Variants in ABR observed in about 807,000 individuals in gnomAD.
ABR encodes active breakpoint cluster region-related protein.
In ABR, 35 loss-of-function variants were observed where a neutral mutation model predicts 107.2. The observed-to-expected ratio is 0.33, with a 90% CI of 0.25 to 0.43. The LOEUF is 0.43. Among genes scored for constraint, ABR ranks in the 20% least tolerant of loss-of-function variants. The probability of loss-of-function intolerance (pLI) is 1.00; values close to 1 mark genes in which losing one functional copy is unlikely to be tolerated. For synonymous variants in ABR, 498 were observed against 462.0 expected (o/e 1.08, Z -1.00); for missense variants, 815 against 1,115.2 (o/e 0.73, Z 3.83).
At chr17:1,065,620 C>G (rs1019836408) in intron 10 of ABR, among the ~76,000 whole-genome samples, 5 of 150,828 alleles carry the variant, frequency 3.3e-5, no homozygotes, top group Admixed American at 6.6e-5. Flanking sequence ...AGCACTTTGG[C>G]TGCATCCATG....
At chr17:1,129,234 G>A (rs979362540) in intron 1 of ABR, among the ~76,000 whole-genome samples, 1 of 152,148 alleles carries the variant, frequency 6.6e-6, no homozygotes, top group Non-Finnish European at 1.5e-5. Context: ...AATGCACGAG[G>A]GGCTTAAAAC....
At chr17:1,191,579 C>T (rs190476750), upstream of ABR, among the ~76,000 whole-genome samples, 1,874 of 152,096 alleles carry the variant, frequency 0.012, 13 homozygotes, top group Non-Finnish European at 0.018. Context: ...TGGTCTCGAA[C>T]TCCTGACCTC....
chr17:1,108,599 C>T (rs1207399766), intron 2 of ABR, among the ~76,000 whole-genome samples: 2 of 152,296 alleles, frequency 1.3e-5, no homozygotes, highest in African/African-American at 2.4e-5. Context: ...GGTGGCCCCT[C>T]TCTTGCGGTT....
intron 1 of ABR, among the ~76,000 whole-genome samples, chr17:1,170,706 G>C (rs949464796): frequency 3.9e-5 from 6 of 152,068 alleles, no homozygotes; most frequent in African/African-American, 9.7e-5. Flanking sequence ...AAAGTGCTGG[G>C]ATTACAGGCG....
At chr17:1,036,668 C>T (rs756342765) in intron 16 of ABR, among the ~76,000 whole-genome samples, 3 of 151,890 alleles carry the variant, frequency 2.0e-5, no homozygotes, top group South Asian at 2.1e-4. Flanking sequence ...GCGAGTTGGG[C>T]GGGAGGATGG....
chr17:1,185,992 C>A (rs899880021), intron 1 of ABR, among the ~76,000 whole-genome samples: 6 of 152,088 alleles, frequency 3.9e-5, no homozygotes, highest in Non-Finnish European at 8.8e-5. Flanking sequence ...CCCGCCACCA[C>A]ACCTGGCCAA....
At chr17:1,009,868 G>T in intron 20 of ABR, 84 bp from the exon 21 acceptor site, 2 of 1,213,346 alleles carry the variant, frequency 1.6e-6, no homozygotes, top group South Asian at 1.2e-5. Context: ...GTGGGCCCCT[G>T]CGGGAGAGAG....
At chr17:1,137,981 ACCT>A (rs2040148864) in intron 1 of ABR, among the ~76,000 whole-genome samples, 1 of 151,388 alleles carries the variant, frequency 6.6e-6, no homozygotes, top group Non-Finnish European at 1.5e-5. Context: ...GCTCACTGCA[ACCT>A]CCGCCTCCTG....
intron 21 of ABR, among the ~76,000 whole-genome samples, chr17:1,008,650 G>A (rs974991989): frequency 2.0e-5 from 3 of 152,218 alleles, no homozygotes; most frequent in Admixed American, 1.3e-4. Context: ...CCCCGGGCGC[G>A]TCCAGGTCTC....
chr17:1,173,060 A>ACC (rs1178430839), intron 1 of ABR, among the ~76,000 whole-genome samples: 4 of 78,228 alleles, frequency 5.1e-5, no homozygotes, highest in African/African-American at 1.7e-4. Flanking sequence ...ACCTCAGTCC[A>ACC]CCCAACACAT....
At chr17:1,229,522 G>A (rs963547657) in exon 1 of ABR, among the ~76,000 whole-genome samples, 10 of 152,084 alleles carry the variant, frequency 6.6e-5, no homozygotes, top group East Asian at 1.9e-4. Context: ...AGTCTGCGGC[G>A]CTCCAGCTCC....
At chr17:1,130,287 C>G (rs991097993) in intron 1 of ABR, among the ~76,000 whole-genome samples, 2 of 152,106 alleles carry the variant, frequency 1.3e-5, no homozygotes, top group African/African-American at 4.8e-5. Context: ...GCAGCCTTTT[C>G]CCAAAGACCA....
chr17:1,117,990 T>C (rs1333817259), intron 2 of ABR, among the ~76,000 whole-genome samples: 924 of 53,658 alleles, frequency 0.017, 3 homozygotes, highest in Admixed American at 0.025. Flanking sequence ...CCTGAGTTCC[T>C]CCCAGCGTTA....
chr17:1,212,470 A>T (rs1189555687), intron 1 of ABR, among the ~76,000 whole-genome samples: 1 of 152,012 alleles, frequency 6.6e-6, no homozygotes, highest in African/African-American at 2.4e-5. Context: ...AAACAAAAAG[A>T]GACGCCAGGC....
At chr17:1,113,017 C>T (rs1214890401) in intron 2 of ABR, among the ~76,000 whole-genome samples, 3 of 116,690 alleles carry the variant, frequency 2.6e-5, no homozygotes, top group Non-Finnish European at 1.9e-5. Context: ...AGTTGTTAAC[C>T]GCCTGACCCA....
Position 1,011,209 on chromosome 17 carries a change from T to C in ABR, c.2102-346A>G, listed in dbSNP as rs144358777. 1.7e-5 allele frequency: 5 copies of C among 294,004 alleles called. No homozygotes were observed. Among genetic ancestry groups the C allele is most frequent in the African/African-American group, 4.3e-5 (2 of 46,008 alleles). 18.2% of individuals were successfully genotyped at this position (294,004 alleles called of 1,614,324 possible). ...TCGCTAAGCCCCTCTCTGGAAGGCA[T>C]TGCACACTTTTCACACGTAAAAGCA... On this transcript the variant is annotated intron_variant, in intron 19 of 22. Coordinates refer to ENST00000302538, the MANE Select transcript of ABR (RefSeq NM_021962.5). The surrounding 1 kb of genome is among the most constrained non-coding windows in gnomAD (Gnocchi z 4.8).
intron 1 of ABR, chr17:1,153,881 C>T (rs1203180823): frequency 2.5e-5 from 5 of 202,822 alleles, no homozygotes; most frequent in Middle Eastern, 2.1e-3. Context: ...AAACCTCGCC[C>T]GGCAACCATC....
chr17:1,079,004 C>T lies in ABR; in HGVS notation c.700+326G>A, dbSNP rs529060557. On this transcript the variant is annotated intron_variant, in intron 6 of 22. Coordinates refer to ENST00000302538, the MANE Select transcript of ABR (RefSeq NM_021962.5). ...CAGCCGCTCCGGAGTGCTCTTCCAG[C>T]AAGGGGGAGGGGAGGGAGGCGCGTG... The T allele has an allele frequency of 7.1e-6, 10 of 1,413,920 alleles. No individual in the cohort carries two copies. The African/African-American group carries it at 1.3e-4, about 18-fold the overall frequency. 87.6% of individuals were successfully genotyped at this position (1,413,920 alleles called of 1,614,324 possible).
chr17:1,134,921 C>T (rs62069391), intron 1 of ABR, among the ~76,000 whole-genome samples: 1 of 152,244 alleles, frequency 6.6e-6, no homozygotes. Context: ...GGGGACGACA[C>T]AGGATCAAGT....
Sources: gnomAD v4.1 joint callset for allele counts (sites outside exome capture counted in the v4.1 genomes callset) on GRCh38, gnomAD v4.1.1 for gene constraint, Gnocchi (gnomAD v3.1) non-coding constraint, MANE v1.5 for transcripts, NCBI Gene and HGNC (gene_info 2026-07-23, HGNC 2026-07-21) for gene names.